CADM2: variants seen among roughly 807,000 people sequenced by gnomAD.
The protein encoded by CADM2 is cell adhesion molecule 2, also known as immunoglobulin superfamily member 4D.
In CADM2, 12 loss-of-function variants were observed where a neutral mutation model predicts 49.8. The observed-to-expected ratio is 0.24, with a 90% confidence interval of 0.15 to 0.39. The LOEUF (loss-of-function observed/expected upper bound fraction) is 0.39. CADM2 is among the 10% of genes least tolerant of loss of function. CADM2 has a pLI of 1.00. For missense variants in CADM2, 378 were observed against 492.3 expected (o/e 0.77, Z 2.20); for synonymous variants, 214 against 175.4 (o/e 1.22, Z -1.74).
chr3:85,931,494 A>T (rs1308545475), intron 6 of CADM2, among the ~76,000 whole-genome samples: 1 of 152,158 alleles, frequency 6.6e-6, no homozygotes, highest in Non-Finnish European at 1.5e-5. Context: ...ACAATTATTT[A>T]TTAAGCACAC....
At chr3:85,692,214 G>A (rs1416235111) in intron 1 of CADM2, among the ~76,000 whole-genome samples, 1 of 152,140 alleles carries the variant, frequency 6.6e-6, no homozygotes, top group African/African-American at 2.4e-5. Context: ...CTAAAGGATT[G>A]TGGCTTTGGG....
At chr3:85,158,690 G>T (rs1367313096) in intron 1 of CADM2, among the ~76,000 whole-genome samples, 1 of 152,098 alleles carries the variant, frequency 6.6e-6, no homozygotes, top group African/African-American at 2.4e-5. Flanking sequence ...GGGGATTGTT[G>T]TGGGGTGTGG....
At chr3:85,641,176 TGTTG>T (rs1291345149) in intron 1 of CADM2, among the ~76,000 whole-genome samples, 1 of 152,230 alleles carries the variant, frequency 6.6e-6, no homozygotes, top group Non-Finnish European at 1.5e-5. Context: ...CATTGAGTTC[TGTTG>T]GTTCTTCATC....
At chr3:85,457,670 T>C (rs1186614405) in intron 1 of CADM2, among the ~76,000 whole-genome samples, 1 of 152,110 alleles carries the variant, frequency 6.6e-6, no homozygotes, top group African/African-American at 2.4e-5. Context: ...ATAATACAAT[T>C]GAGGATTAAG....
At chr3:85,170,959 T>A (rs1343401848) in intron 1 of CADM2, among the ~76,000 whole-genome samples, 1 of 152,216 alleles carries the variant, frequency 6.6e-6, no homozygotes, top group African/African-American at 2.4e-5. Context: ...GGGCTTTTTT[T>A]CAGTTAACTA....
intron 1 of CADM2, among the ~76,000 whole-genome samples, chr3:85,534,306 T>C (rs1355000702): frequency 6.6e-6 from 1 of 152,176 alleles, no homozygotes; most frequent in Non-Finnish European, 1.5e-5. Flanking sequence ...CAGATGTAGC[T>C]ATTTAAATCA....
At chr3:85,947,439 A>T (rs1358556777) in intron 7 of CADM2, among the ~76,000 whole-genome samples, 1 of 151,404 alleles carries the variant, frequency 6.6e-6, no homozygotes, top group Non-Finnish European at 1.5e-5. Flanking sequence ...ATATAGAGAA[A>T]TGCAAAATTG....
At chr3:85,049,540 C>T (rs950001708) in intron 1 of CADM2, among the ~76,000 whole-genome samples, 26 of 151,862 alleles carry the variant, frequency 1.7e-4, no homozygotes, top group Admixed American at 3.9e-4. Context: ...TTAGTAGAGA[C>T]GGGCTTTCAC....
At chr3:86,048,476 ATAT>A (rs1403709230) in intron 8 of CADM2, among the ~76,000 whole-genome samples, 2 of 152,072 alleles carry the variant, frequency 1.3e-5, no homozygotes, top group African/African-American at 4.8e-5. Context: ...GATCAAAATG[ATAT>A]TAATGGCTAT....
At chr3:85,809,875 A>C (rs2072739589) in intron 3 of CADM2, among the ~76,000 whole-genome samples, 1 of 150,042 alleles carries the variant, frequency 6.7e-6, no homozygotes, top group African/African-American at 2.5e-5. Flanking sequence ...ATCTCTTCAA[A>C]ACATCTTATC....
chr3:85,043,260 A>G (rs546786906), intron 1 of CADM2, among the ~76,000 whole-genome samples: 1 of 152,182 alleles, frequency 6.6e-6, no homozygotes, highest in African/African-American at 2.4e-5. Context: ...GGCCAGTCAG[A>G]TACTCCTTTC....
chr3:85,309,881 A>T (rs1430331040), intron 1 of CADM2, among the ~76,000 whole-genome samples: 1 of 152,220 alleles, frequency 6.6e-6, no homozygotes, highest in Non-Finnish European at 1.5e-5. Context: ...TTGGCTTCTT[A>T]TCAAAGGTCA....
At chr3:85,682,073 A>G (rs184351567) in intron 1 of CADM2, among the ~76,000 whole-genome samples, 68 of 152,242 alleles carry the variant, frequency 4.5e-4, no homozygotes, top group African/African-American at 1.6e-3. Flanking sequence ...TCTTAGAGTG[A>G]CACAAATAGA....
chr3:85,994,669 A>G (rs1729151247), intron 8 of CADM2: 4 of 152,136 alleles, frequency 2.6e-5, no homozygotes, highest in African/African-American at 9.7e-5. Flanking sequence ...AGATCATTGT[A>G]GGATTCTTAA....
At chr3:85,739,306 A>C (rs2068281042) in intron 2 of CADM2, among the ~76,000 whole-genome samples, 1 of 152,096 alleles carries the variant, frequency 6.6e-6, no homozygotes, top group Non-Finnish European at 1.5e-5. Flanking sequence ...GTTTCAAAGT[A>C]GATTAGAGTC....
intron 7 of CADM2, among the ~76,000 whole-genome samples, 197 bp from the exon 8 acceptor site, chr3:85,961,272 A>G (rs2108615116): frequency 6.6e-6 from 1 of 151,832 alleles, no homozygotes; most frequent in Middle Eastern, 3.4e-3. Flanking sequence ...TTAGTTAAAT[A>G]GAATAGAAGC....
intron 8 of CADM2, among the ~76,000 whole-genome samples, chr3:86,027,426 T>C (rs1734029365): frequency 6.6e-6 from 1 of 152,186 alleles, no homozygotes; most frequent in South Asian, 2.1e-4. Flanking sequence ...TTTAAATTCA[T>C]TCTTTCTGCA....
chr3:85,003,859 A>G (rs1419611609), intron 1 of CADM2, among the ~76,000 whole-genome samples: 1 of 152,140 alleles, frequency 6.6e-6, no homozygotes, highest in African/African-American at 2.4e-5. Context: ...GCCTTGAAAT[A>G]GATGGTTTAA....
chr3:85,127,100 T>C (rs776684271), intron 1 of CADM2, among the ~76,000 whole-genome samples: 4 of 152,140 alleles, frequency 2.6e-5, no homozygotes, highest in Non-Finnish European at 5.9e-5. Flanking sequence ...ACTGTTAACA[T>C]TTTACCATTT....
Sources: allele counts gnomAD v4.1 joint callset (sites outside exome capture counted in the v4.1 genomes callset), GRCh38; gene constraint gnomAD v4.1.1; transcripts MANE v1.5; gene names NCBI Gene and HGNC (gene_info 2026-07-23, HGNC 2026-07-21).